Variants in TMCO4 observed in about 807,000 individuals in gnomAD.
TMCO4 encodes transmembrane and coiled-coil domain-containing protein 4.
TMCO4 carries 58 observed loss-of-function variants against 64.7 expected under a neutral mutation model. The ratio of observed to expected loss-of-function variants is 0.90; its 90% CI spans 0.73 to 1.12. The LOEUF (loss-of-function observed/expected upper bound fraction) is 1.12. Ranked by LOEUF, TMCO4 falls within the 50% of genes most tolerant of loss-of-function variation. The probability of loss-of-function intolerance (pLI) is 0.00; values close to 1 mark genes in which losing one functional copy is unlikely to be tolerated. For synonymous variants in TMCO4, 325 were observed against 346.1 expected (o/e 0.94, Z 0.68); for missense variants, 780 against 825.9 (o/e 0.94, Z 0.68).
intron 13 of TMCO4, among the ~76,000 whole-genome samples, chr1:19,721,228 TCAGA>T (rs2095381503): frequency 3.9e-5 from 6 of 152,182 alleles, no homozygotes; most frequent in Admixed American, 3.9e-4. Context: ...CTTCTGAGAC[TCAGA>T]CAGCCATCAG....
At position 19,692,704 on chromosome 1, in the gene TMCO4, G is replaced by T. The variant is rs146294876; in HGVS notation, c.1500+1730C>A. ...GGAGGTTGCAGTGAGCCGAGATCGC[G>T]CCATTGCACTCCAGACTGGGCAACA... On this transcript the variant is annotated intron_variant, in intron 15 of 15. Coordinates refer to ENST00000294543, the MANE Select transcript of TMCO4 (RefSeq NM_181719.7). Among the ~76,000 whole-genome samples the T allele has an allele frequency of 1.5e-4, 23 of 151,890 alleles. No individual in the cohort carries two copies. The East Asian group carries it at 3.7e-3, about 24-fold the overall frequency.
chr1:19,799,808 G>C (rs1557646202), intron 1 of TMCO4, 47 bp downstream of exon 1: 1 of 152,034 alleles, frequency 6.6e-6, no homozygotes, highest in Admixed American at 6.6e-5. Flanking sequence ...GTGGCCCAGC[G>C]AGGTGCGCGC....
chr1:19,687,365 G>T (rs1006133216), intron 15 of TMCO4, among the ~76,000 whole-genome samples: 2 of 152,176 alleles, frequency 1.3e-5, no homozygotes, highest in Admixed American at 6.5e-5. Context: ...GAGACTATAG[G>T]CATGAGCCAC....
intron 13 of TMCO4, among the ~76,000 whole-genome samples, chr1:19,703,840 G>A (rs1045912565): frequency 6.6e-6 from 1 of 152,090 alleles, no homozygotes; most frequent in Non-Finnish European, 1.5e-5. Context: ...GAACCACCAC[G>A]CCCGTCCAGC....
Position 19,780,588 on chromosome 1 carries a change from G to A in TMCO4, c.171C>T (p.Pro57=), listed in dbSNP as rs757852168. The part of the protein sequence containing the change: ...GISLSQLFPE[P]EHSSFCTEFM... ...AAGACAGAAGAACTCACCTGTGTTC[G>A]GGTTCAGGAAATAACTGGGACAGGG... The change falls in exon 4 of 16, where the codon CCC becomes CCT. Residue 57 remains proline, a synonymous_variant. Transcript: ENST00000294543. 38 of 1,599,048 alleles carry A rather than the reference G, an allele frequency of 2.4e-5. No individual in the cohort carries two copies. Among genetic ancestry groups the A allele is most frequent in the Non-Finnish European group, 1.2e-5 (14 of 1,173,670 alleles).
intron 6 of TMCO4, among the ~76,000 whole-genome samples, chr1:19,766,558 CCACCAT>C (rs2042743639): frequency 6.6e-6 from 1 of 152,148 alleles, no homozygotes; most frequent in Admixed American, 6.5e-5. Flanking sequence ...TTCACCATGG[CCACCAT>C]CACCCCAGCA....
At chr1:19,792,765 ATTTTTTT>A (rs71579823) in intron 2 of TMCO4, among the ~76,000 whole-genome samples, 2 of 89,648 alleles carry the variant, frequency 2.2e-5, no homozygotes, top group African/African-American at 4.1e-5. Flanking sequence ...GTCAAGGTCA[ATTTTTTT>A]TTTTTTTTTT....
rs533435149 is a variant in TMCO4 at position 19,784,918 on chromosome 1, T to C, written c.-9+2108A>G. ...TTTTAAGAAAGTCTATGAATTTGTG[T>C]TGGGCCGCATTCAAAGCTGTCCTGG... On this transcript the variant is annotated intron_variant, in intron 3 of 15. Coordinates refer to ENST00000294543, the MANE Select transcript of TMCO4 (RefSeq NM_181719.7). Among the ~76,000 whole-genome samples, 17 of 152,184 alleles carry C rather than the reference T, an allele frequency of 1.1e-4. No individual in the cohort carries two copies. In the South Asian group the frequency reaches 3.1e-3, roughly 28 times the overall value.
chr1:19,694,067 T>C (rs564874344), intron 15 of TMCO4, among the ~76,000 whole-genome samples: 1 of 152,276 alleles, frequency 6.6e-6, no homozygotes, highest in South Asian at 2.1e-4. Flanking sequence ...AATGGCACGA[T>C]CACAGCTCAC....
intron 14 of TMCO4, among the ~76,000 whole-genome samples, chr1:19,697,921 G>A (rs905583523): frequency 6.6e-6 from 1 of 151,946 alleles, no homozygotes; most frequent in South Asian, 2.1e-4. Flanking sequence ...TCCTCCATCC[G>A]AAATGATTAA....
At chr1:19,760,376 A>C (rs2042444795) in intron 6 of TMCO4, among the ~76,000 whole-genome samples, 1 of 149,992 alleles carries the variant, frequency 6.7e-6, no homozygotes, top group Non-Finnish European at 1.5e-5. Flanking sequence ...GACCCAGTCC[A>C]CTCCTTCCTA....
intron 6 of TMCO4, among the ~76,000 whole-genome samples, chr1:19,767,997 C>A (rs760437398): frequency 5.4e-5 from 8 of 149,430 alleles, no homozygotes; most frequent in Non-Finnish European, 8.8e-5. Flanking sequence ...GAGGCTGAGA[C>A]AAGAGAATCA....
At chr1:19,780,431 C>T (rs982776868) in intron 4 of TMCO4, 149 bp downstream of exon 4, 4 of 934,544 alleles carry the variant, frequency 4.3e-6, no homozygotes, top group Non-Finnish European at 6.2e-6. Context: ...TGGTCCACGG[C>T]CTGGAGGTTA....
chr1:19,783,914 C>T (rs555729976), intron 3 of TMCO4, among the ~76,000 whole-genome samples: 2 of 152,334 alleles, frequency 1.3e-5, no homozygotes, highest in South Asian at 2.1e-4. Flanking sequence ...GCAAATTTCC[C>T]TGGCTCAGAG....
At position 19,734,129 on chromosome 1, in the gene TMCO4, T is replaced by G. The variant is rs539636108; in HGVS notation, c.1264+3243A>C. Among the ~76,000 whole-genome samples, 14 of 152,000 alleles carry G rather than the reference T, an allele frequency of 9.2e-5. No individual in the cohort carries two copies. The South Asian group carries it at 2.9e-3, about 32-fold the overall frequency. ...TGAGACCTGAGAAATGAGTAGGAAT[T>G]ATCTAGAAAAGGAGACAGAGAGGAC... On this transcript the variant is annotated intron_variant, in intron 13 of 15. Transcript: ENST00000294543. The surrounding 1 kb of genome is among the most constrained non-coding windows in gnomAD (Gnocchi z 4.4).
chr1:19,735,306 T>C (rs1434275806), intron 13 of TMCO4, among the ~76,000 whole-genome samples: 1 of 152,172 alleles, frequency 6.6e-6, no homozygotes, highest in African/African-American at 2.4e-5. Flanking sequence ...ACAAAGCTCA[T>C]ATCCTTTGAG....
intron 13 of TMCO4, among the ~76,000 whole-genome samples, chr1:19,725,794 C>T (rs1014356661): frequency 2.0e-5 from 3 of 152,172 alleles, no homozygotes; most frequent in African/African-American, 7.2e-5. Flanking sequence ...GAGTCGTTAC[C>T]CAGGCTGTGT....
chr1:19,683,048 G>GC lies in TMCO4; in HGVS notation c.1896dup (p.Leu633AlafsTer42). Reference sequence around the variant, plus strand: ...CAGGTCCCCTGCTGTGGTCAGTCCAGCCCCGTGCTGGGGCCCTGGGTCTTG... The same window carrying GC: ...CAGGTCCCCTGCTGTGGTCAGTCCAGCCCCCGTGCTGGGGCCCTGGGTCTTG... On this transcript the variant is annotated frameshift_variant, in exon 16 of 16. Transcript: ENST00000294543. LOFTEE classifies it high-confidence loss of function. The GC allele has an allele frequency of 6.3e-7, 1 of 1,586,170 alleles. No homozygotes were observed. Among genetic ancestry groups the GC allele is most frequent in the South Asian group, 1.2e-5 (1 of 85,644 alleles).
At chr1:19,765,336 C>T (rs1045845767) in intron 6 of TMCO4, among the ~76,000 whole-genome samples, 9 of 152,162 alleles carry the variant, frequency 5.9e-5, no homozygotes, top group African/African-American at 1.2e-4. Context: ...TCTATGTAAG[C>T]GGCCTAGAAG....
Sources: allele counts gnomAD v4.1 joint callset (sites outside exome capture counted in the v4.1 genomes callset), GRCh38; gene constraint gnomAD v4.1.1; non-coding constraint Gnocchi (gnomAD v3.1); transcripts MANE v1.5; gene names NCBI Gene and HGNC (gene_info 2026-07-23, HGNC 2026-07-21).